FREM3: variants seen among roughly 807,000 people sequenced by gnomAD.
FREM3 encodes FRAS1 related extracellular matrix 3.
In FREM3, 105 loss-of-function variants were observed where a neutral mutation model predicts 129.1. The ratio of observed to expected loss-of-function variants is 0.81; its 90% CI spans 0.69 to 0.96. The LOEUF (loss-of-function observed/expected upper bound fraction) is 0.96. FREM3 is among the 40% of genes least tolerant of loss of function. FREM3 has a pLI of 0.00. For missense variants in FREM3, 2,593 were observed against 2,666.3 expected (o/e 0.97, Z 0.61); for synonymous variants, 1,014 against 1,044.9 (o/e 0.97, Z 0.57).
rs2060657 is a variant in FREM3, at chr4:143,637,806, G to T, written c.5276-10046C>A. On this transcript the variant is annotated intron_variant, in intron 2 of 7. Transcript: ENST00000329798. Reference sequence around the variant, plus strand: ...TTTCCTAGTTGTATTCTCCTAAGCCGCAGAGATGCCACTCACAGACAATGC... The same window carrying T: ...TTTCCTAGTTGTATTCTCCTAAGCCTCAGAGATGCCACTCACAGACAATGC... 9.6e-3 allele frequency among the ~76,000 whole-genome samples: 1,457 copies of T among 152,098 alleles called. 23 individuals carry two copies. Among genetic ancestry groups the T allele is most frequent in the African/African-American group, 0.034 (1,394 of 41,520 alleles).
At chr4:143,678,087 A>G (rs916085289) in intron 2 of FREM3, among the ~76,000 whole-genome samples, 9 of 152,238 alleles carry the variant, frequency 5.9e-5, no homozygotes, top group African/African-American at 1.2e-4. Context: ...AGACACATGC[A>G]CACGTATGTT....
intron 5 of FREM3, among the ~76,000 whole-genome samples, chr4:143,615,542 G>C (rs971433713): frequency 7.2e-5 from 11 of 152,070 alleles, no homozygotes; most frequent in African/African-American, 2.4e-4. Context: ...GAGCAGCATG[G>C]GAGCGTCTAT....
At chr4:143,608,526 G>A (rs1039883927) in intron 6 of FREM3, among the ~76,000 whole-genome samples, 2 of 152,138 alleles carry the variant, frequency 1.3e-5, no homozygotes, top group Non-Finnish European at 2.9e-5. Context: ...TAAAGAGCTT[G>A]CAGAAAACAT....
Position 143,700,540 on chromosome 4 carries a change from G to C in FREM3, c.136C>G (p.Leu46Val), listed in dbSNP as rs1323438902. The change falls in exon 1 of 8, where the codon CTG (leucine) becomes GTG (valine). Residue 46 changes from leucine (L) to valine (V), a missense_variant. Physicochemically the swap from Leu to Val is conservative, Grantham distance 32 (BLOSUM62 1). Around this residue, in one of 2 missense-constraint regions of FREM3, gnomAD observed 2,276 missense variants for 2,267.2 expected, o/e 1.00. Coordinates refer to ENST00000329798, the MANE Select transcript of FREM3 (RefSeq NM_001168235.2). ...LGTEPDPALYLPARGALDGTR... is the reference protein window; with the variant it reads ...LGTEPDPALYVPARGALDGTR... ...CCGTCAAGCGCACCCCGGGCGGGCA[G>C]GTAAAGCGCCGGGTCGGGCTCGGTC... 1 of 1,519,770 alleles carries C rather than the reference G, an allele frequency of 6.6e-7. No homozygotes were observed. The highest frequency in any genetic ancestry group is 8.8e-7 in the Non-Finnish European group (1 of 1,137,140). The allele number at this position is 1,519,770 out of a possible 1,614,324, so 94.1% of individuals were successfully genotyped here.
chr4:143,590,022 T>G (rs1416023452), intron 6 of FREM3, among the ~76,000 whole-genome samples: 1 of 152,118 alleles, frequency 6.6e-6, no homozygotes, highest in African/African-American at 2.4e-5. Flanking sequence ...GGGAGTTCAC[T>G]CATGATTTGG....
At chr4:143,624,473 G>A in intron 3 of FREM3, 135 bp from the exon 4 acceptor site, 1 of 615,706 alleles carries the variant, frequency 1.6e-6, no homozygotes, top group Non-Finnish European at 2.8e-6. Flanking sequence ...AAAGACACTT[G>A]TAAATGATCT....
intron 2 of FREM3, among the ~76,000 whole-genome samples, chr4:143,662,222 AT>A: frequency 6.6e-6 from 1 of 152,292 alleles, no homozygotes; most frequent in East Asian, 1.9e-4. Flanking sequence ...TCTTGTGGGC[AT>A]TTAGTGCTAC....
At chr4:143,623,135 A>T (rs1476627875) in intron 4 of FREM3, among the ~76,000 whole-genome samples, 1 of 152,228 alleles carries the variant, frequency 6.6e-6, no homozygotes, top group Non-Finnish European at 1.5e-5. Flanking sequence ...TGAAAAGAAA[A>T]TCCACAGTCC....
In FREM3 at chr4:143,697,471, C is replaced by T. The variant is rs1369053630; in HGVS notation, c.3205G>A (p.Gly1069Arg). 6.6e-5 allele frequency: 101 copies of T among 1,537,184 alleles called. 1 individual carries two copies. Among genetic ancestry groups the T allele is most frequent in the Non-Finnish European group, 8.8e-5 (101 of 1,146,870 alleles). ...QVTVLPVDNV[G>R]PKVFVGESFI... Reference sequence around the variant, plus strand: ...GACTCCCCGACGAAGACCTTGGGTCCCACATTGTCCACAGGCAGCACAGTT... The same window carrying T: ...GACTCCCCGACGAAGACCTTGGGTCTCACATTGTCCACAGGCAGCACAGTT... The change falls in exon 1 of 8, where the codon GGA (glycine) becomes AGA (arginine). Residue 1069 changes from glycine to arginine, a missense_variant. By Grantham distance (125) the Gly-to-Arg change is moderately radical. This residue lies in a region of FREM3 where 2,276 missense variants were observed against 2,267.2 expected (regional missense o/e 1.00). Coordinates refer to ENST00000329798, the MANE Select transcript of FREM3 (RefSeq NM_001168235.2).
intron 6 of FREM3, among the ~76,000 whole-genome samples, chr4:143,589,813 T>C (rs911218416): frequency 6.6e-6 from 1 of 152,204 alleles, no homozygotes; most frequent in African/African-American, 2.4e-5. Context: ...TGGCATTGAA[T>C]CTGTAAATTA....
chr4:143,699,468 T>C lies in FREM3; in HGVS notation c.1208A>G (p.Gln403Arg), dbSNP rs1032340044. 8 of 1,537,178 alleles carry C rather than the reference T, an allele frequency of 5.2e-6. No individual in the cohort carries two copies. The African/African-American group carries it at 1.1e-4, about 21-fold the overall frequency. ...TCCGTCCACCACCTCCAGCTCCAGC[T>C]GAAAGAGGCGCTCCCCATGGGAGTT... is the stretch of plus-strand genomic sequence containing the variant. The part of the protein sequence containing the change: ...AENSHGERLF[Q>R]LELEVVDGDG... The change falls in exon 1 of 8, where the codon CAG becomes CGG. Residue 403 changes from glutamine to arginine, a missense_variant. Gln to Arg is a conservative substitution (Grantham distance 43, BLOSUM62 1). Coordinates refer to ENST00000329798, the MANE Select transcript of FREM3 (RefSeq NM_001168235.2). The surrounding 1 kb of genome is among the most constrained non-coding windows in gnomAD (Gnocchi z 4.2).
chr4:143,683,353 G>T (rs1740292002), intron 2 of FREM3, among the ~76,000 whole-genome samples: 1 of 152,228 alleles, frequency 6.6e-6, no homozygotes, highest in Non-Finnish European at 1.5e-5. Flanking sequence ...AACTGTGAGT[G>T]CCCCAACTAT....
intron 4 of FREM3, 39 bp downstream of exon 4, chr4:143,624,069 T>C (rs1013043953): frequency 8.4e-7 from 1 of 1,197,510 alleles, no homozygotes; most frequent in East Asian, 2.5e-5. Flanking sequence ...GCCAAGAACC[T>C]GTACTGGTTA....
chr4:143,592,054 G>A (rs544781862), intron 6 of FREM3, among the ~76,000 whole-genome samples: 52 of 152,250 alleles, frequency 3.4e-4, no homozygotes, highest in African/African-American at 1.2e-3. Context: ...CAGAGACTAG[G>A]ATTGCAACCC....
intron 6 of FREM3, among the ~76,000 whole-genome samples, chr4:143,598,898 TTG>T (rs993959984): frequency 8.5e-5 from 13 of 152,178 alleles, no homozygotes; most frequent in Non-Finnish European, 8.8e-5. Context: ...CCATCCAGGT[TTG>T]TGTAAGTATA....
chr4:143,650,266 C>T (rs953094543), intron 2 of FREM3, among the ~76,000 whole-genome samples: 2 of 152,102 alleles, frequency 1.3e-5, no homozygotes, highest in Admixed American at 6.5e-5. Flanking sequence ...AGATGAAAAC[C>T]AATAGAAGGC....
chr4:143,693,535 T>C (rs1277276854), intron 1 of FREM3, among the ~76,000 whole-genome samples: 1 of 152,142 alleles, frequency 6.6e-6, no homozygotes, highest in African/African-American at 2.4e-5. Context: ...TGGAAAGCAA[T>C]GTGGAGATTC....
intron 5 of FREM3, among the ~76,000 whole-genome samples, chr4:143,618,940 C>T (rs923001385): frequency 7.2e-5 from 11 of 152,062 alleles, no homozygotes; most frequent in Admixed American, 7.2e-4. Context: ...CAAAAAACTC[C>T]CACTAGCAAA....
At chr4:143,691,138 T>C (rs1019702949) in intron 2 of FREM3, among the ~76,000 whole-genome samples, 3 of 152,224 alleles carry the variant, frequency 2.0e-5, no homozygotes, top group Admixed American at 6.5e-5. Context: ...TTTATGTATA[T>C]GTACTTTAAG....
Sources: allele counts gnomAD v4.1 joint callset (sites outside exome capture counted in the v4.1 genomes callset), GRCh38; gene constraint gnomAD v4.1.1; regional missense constraint gnomAD v4.1.1; non-coding constraint Gnocchi (gnomAD v3.1); transcripts MANE v1.5; gene names NCBI Gene and HGNC (gene_info 2026-07-23, HGNC 2026-07-21).